The following MMD2 variants were observed in gnomAD, a reference collection of about 807,000 sequenced individuals.
MMD2 encodes the protein monocyte to macrophage differentiation factor 2.
In MMD2, 30 loss-of-function variants were observed where a neutral mutation model predicts 33.5. The ratio of observed to expected loss-of-function variants is 0.90; its 90% CI spans 0.67 to 1.22. The LOEUF is 1.22. Among genes scored for constraint, MMD2 ranks in the 50% most tolerant of loss-of-function variants. The probability of loss-of-function intolerance (pLI) is 0.00; values close to 1 mark genes in which losing one functional copy is unlikely to be tolerated. For missense variants in MMD2, 364 were observed against 325.4 expected, an observed-to-expected ratio of 1.12 and a Z score of -0.91; for synonymous variants, 129 against 123.0, an observed-to-expected ratio of 1.05 and a Z score of -0.32.
chr7:4,951,080 G>A (rs1786229762), intron 1 of MMD2, among the ~76,000 whole-genome samples: 1 of 152,040 alleles, frequency 6.6e-6, no homozygotes, highest in South Asian at 2.1e-4. Context: ...CTAGGGGCCT[G>A]ATGTCCACAG....
chr7:4,939,742 C>T (rs1347322251), intron 1 of MMD2, among the ~76,000 whole-genome samples: 4 of 141,854 alleles, frequency 2.8e-5, no homozygotes, highest in Non-Finnish European at 6.0e-5. Context: ...TTCTTTCTTT[C>T]TTTTTTTTTT....
chr7:4,926,534 A>G (rs1785432555), intron 1 of MMD2, among the ~76,000 whole-genome samples: 1 of 152,036 alleles, frequency 6.6e-6, no homozygotes, highest in Non-Finnish European at 1.5e-5. Context: ...CTCACCCCCA[A>G]GAAAGTGCCC....
At chr7:4,895,358 G>A in the MMD2 span, among the ~76,000 whole-genome samples, 1 of 152,122 alleles carries the variant, frequency 6.6e-6, no homozygotes. Flanking sequence ...TTACAGGCCC[G>A]AGCCACGGAG....
chr7:4,898,267 C>G, the MMD2 span, among the ~76,000 whole-genome samples: 3 of 152,176 alleles, frequency 2.0e-5, no homozygotes, highest in Non-Finnish European at 2.9e-5. Context: ...TTACCTGTCC[C>G]CACATGGCCT....
chr7:4,955,012 GT>G (rs1786346384), intron 1 of MMD2, among the ~76,000 whole-genome samples: 1 of 151,988 alleles, frequency 6.6e-6, no homozygotes, highest in Non-Finnish European at 1.5e-5. Flanking sequence ...ACCATCTTTG[GT>G]AAAAATAAAA....
chr7:4,903,283 G>C (rs1784818847), downstream of MMD2, among the ~76,000 whole-genome samples: 1 of 152,064 alleles, frequency 6.6e-6, no homozygotes, highest in African/African-American at 2.4e-5. Context: ...CTGAAAACTG[G>C]GGACTGTAAA....
chr7:4,933,464 C>T (rs758469333), intron 1 of MMD2, among the ~76,000 whole-genome samples: 5 of 152,088 alleles, frequency 3.3e-5, no homozygotes, highest in Non-Finnish European at 5.9e-5. Flanking sequence ...TCGACTCTTC[C>T]ATCCCTGTCT....
intron 1 of MMD2, among the ~76,000 whole-genome samples, chr7:4,942,088 G>A (rs1311094094): frequency 1.3e-5 from 2 of 151,826 alleles, no homozygotes; most frequent in African/African-American, 4.8e-5. Flanking sequence ...CGAGTACCTG[G>A]GACTACAGGC....
At chr7:4,942,100 C>T (rs979871945) in intron 1 of MMD2, among the ~76,000 whole-genome samples, 3 of 151,386 alleles carry the variant, frequency 2.0e-5, no homozygotes, top group East Asian at 2.0e-4. Context: ...ACTACAGGCA[C>T]GTGCCACCAT....
intron 1 of MMD2, among the ~76,000 whole-genome samples, chr7:4,957,453 C>G (rs1183864829): frequency 9.3e-6 from 1 of 107,144 alleles, no homozygotes; most frequent in Non-Finnish European, 2.0e-5. Flanking sequence ...TTGAGACCAT[C>G]CTGGCTAACG....
At chr7:4,945,904 G>A (rs1786063142) in intron 1 of MMD2, among the ~76,000 whole-genome samples, 1 of 152,186 alleles carries the variant, frequency 6.6e-6, no homozygotes, top group African/African-American at 2.4e-5. Flanking sequence ...GGACAGAGGA[G>A]TGAAAATTCC....
At chr7:4,934,405 G>T (rs1211410919) in intron 1 of MMD2, among the ~76,000 whole-genome samples, 1 of 152,210 alleles carries the variant, frequency 6.6e-6, no homozygotes, top group African/African-American at 2.4e-5. Context: ...GCCTGGCAGG[G>T]ATGCATGTTT....
intron 4 of MMD2, 44 bp from the exon 5 acceptor site, chr7:4,911,290 C>A: frequency 6.8e-7 from 1 of 1,480,250 alleles, no homozygotes; most frequent in Non-Finnish European, 9.2e-7. Flanking sequence ...GGGGGGCCCA[C>A]CAGGACCCCG....
At chr7:4,931,635 G>T (rs945993904) in intron 1 of MMD2, among the ~76,000 whole-genome samples, 1 of 152,008 alleles carries the variant, frequency 6.6e-6, no homozygotes, top group African/African-American at 2.4e-5. Context: ...TCACTGTGTT[G>T]CTCAGGCTGG....
At position 4,911,943 on chromosome 7, in the gene MMD2, G is replaced by T. The variant is rs915665960; in HGVS notation, c.366-697C>A. ...ATTACAGGCCTGAGCCACCGCGCCC[G>T]GCCTCCAATCCTTTGTTAATAATTA... On this transcript the variant is annotated intron_variant, in intron 4 of 6. Transcript: ENST00000401401. Among the ~76,000 whole-genome samples, 3 of 151,860 alleles carry T rather than the reference G, an allele frequency of 2.0e-5. No individual in the cohort carries two copies. The South Asian group carries it at 6.3e-4, about 32-fold the overall frequency.
rs933169443 is a variant in MMD2, at chr7:4,935,203, A to C, written c.48-9671T>G. ...TCTGCCTCAAAAAAAGAAAAAAAAAACTAGCTATACATGGTGGGGCACGAC... is the reference window on the plus strand; with the variant it reads ...TCTGCCTCAAAAAAAGAAAAAAAAACCTAGCTATACATGGTGGGGCACGAC... On this transcript the variant is annotated intron_variant, in intron 1 of 6. Coordinates refer to ENST00000401401, the MANE Select transcript of MMD2 (RefSeq NM_198403.4). Among the ~76,000 whole-genome samples the C allele has an allele frequency of 2.0e-4, 30 of 151,470 alleles. 1 individual carries two copies.
chr7:4,898,422 A>C, the MMD2 span, among the ~76,000 whole-genome samples: 2 of 152,286 alleles, frequency 1.3e-5, no homozygotes, highest in East Asian at 3.9e-4. Context: ...ATTTAGACGC[A>C]CTCATGGGTC....
chr7:4,921,279 T>TA (rs1308353714), intron 2 of MMD2, among the ~76,000 whole-genome samples: 1 of 151,992 alleles, frequency 6.6e-6, no homozygotes, highest in East Asian at 1.9e-4. Flanking sequence ...AGCCCAGCCC[T>TA]AAGCAGCACA....
At chr7:4,903,515 C>T (rs1034860630), downstream of MMD2, among the ~76,000 whole-genome samples, 1 of 152,226 alleles carries the variant, frequency 6.6e-6, no homozygotes, top group South Asian at 2.1e-4. Flanking sequence ...GGAAAGGCAG[C>T]TCTGGTCTGT....
Sources: gnomAD v4.1 joint callset for allele counts (sites outside exome capture counted in the v4.1 genomes callset) on GRCh38, gnomAD v4.1.1 for gene constraint, MANE v1.5 for transcripts, NCBI Gene and HGNC (gene_info 2026-07-23, HGNC 2026-07-21) for gene names.